KIAA1328: variants seen among roughly 807,000 people sequenced by gnomAD.
KIAA1328 encodes KIAA1328.
In KIAA1328, 52 loss-of-function variants were observed where a neutral mutation model predicts 68.1. The observed-to-expected ratio is 0.76, with a 90% CI of 0.61 to 0.96. The LOEUF (loss-of-function observed/expected upper bound fraction) is 0.96. Ranked by LOEUF, KIAA1328 falls within the 40% of genes least tolerant of loss-of-function variation. The pLI, the probability that KIAA1328 is intolerant of heterozygous loss-of-function variation, is 0.00. For synonymous variants in KIAA1328, 232 were observed against 239.4 expected (o/e 0.97, Z 0.28); for missense variants, 641 against 677.6 (o/e 0.95, Z 0.60).
chr18:36,976,491 G>A (rs1207601278), intron 6 of KIAA1328, among the ~76,000 whole-genome samples: 2 of 152,028 alleles, frequency 1.3e-5, no homozygotes, highest in African/African-American at 2.4e-5. Flanking sequence ...AGTAGCCACC[G>A]AAATCTCAAA....
intron 5 of KIAA1328, among the ~76,000 whole-genome samples, chr18:36,904,824 T>C (rs1187384565): frequency 6.6e-6 from 1 of 152,030 alleles, no homozygotes; most frequent in Non-Finnish European, 1.5e-5. Context: ...ATTGAATATT[T>C]AAAATTTTCT....
At chr18:36,985,589 T>C (rs1019139505) in intron 6 of KIAA1328, among the ~76,000 whole-genome samples, 1 of 152,142 alleles carries the variant, frequency 6.6e-6, no homozygotes, top group African/African-American at 2.4e-5. Context: ...GCAAATGACA[T>C]TCAACGGAGG....
chr18:37,193,891 G>A (rs2059954117), intron 9 of KIAA1328, among the ~76,000 whole-genome samples: 1 of 152,164 alleles, frequency 6.6e-6, no homozygotes. Flanking sequence ...TTTCCCGCAT[G>A]TCCTTTCAGG....
chr18:37,024,212 C>A (rs1340366503), intron 6 of KIAA1328, among the ~76,000 whole-genome samples: 1 of 151,814 alleles, frequency 6.6e-6, no homozygotes, highest in Non-Finnish European at 1.5e-5. Flanking sequence ...CGGGCTGGTC[C>A]TGAACGAATG....
intron 6 of KIAA1328, among the ~76,000 whole-genome samples, chr18:36,963,017 C>G (rs1181292797): frequency 2.6e-5 from 4 of 152,154 alleles, no homozygotes; most frequent in East Asian, 1.9e-4. Context: ...TTCAAAAAAT[C>G]AATGAATCCA....
intron 3 of KIAA1328, among the ~76,000 whole-genome samples, chr18:36,841,750 C>T (rs2046866517): frequency 6.6e-6 from 1 of 152,182 alleles, no homozygotes; most frequent in Non-Finnish European, 1.5e-5. Context: ...ACAAAAACAG[C>T]CAGTGGGCCA....
At chr18:37,216,105 A>G (rs574274565) in intron 9 of KIAA1328, among the ~76,000 whole-genome samples, 1 of 152,098 alleles carries the variant, frequency 6.6e-6, no homozygotes, top group South Asian at 2.1e-4. Flanking sequence ...CAGCTCCTGG[A>G]TTCATTGATT....
At chr18:37,126,703 A>G (rs935764634) in intron 7 of KIAA1328, among the ~76,000 whole-genome samples, 5 of 152,146 alleles carry the variant, frequency 3.3e-5, no homozygotes, top group African/African-American at 1.2e-4. Flanking sequence ...AAAATCCTCA[A>G]CTAAATATTA....
At position 36,834,547 on chromosome 18, in the gene KIAA1328, A is replaced by T. The variant is rs531292950; in HGVS notation, c.94+192A>T. 2.0e-4 allele frequency among the ~76,000 whole-genome samples: 30 copies of T among 152,290 alleles called. No homozygotes were observed. The South Asian group carries it at 6.2e-3, about 32-fold the overall frequency. On this transcript the variant is annotated intron_variant, in intron 2 of 9. Transcript: ENST00000280020. ...TTTGAAATACTGGCTTATCTTTGGG[A>T]TTGGCTGGCCCAATCAGCTTTTAAT...
At chr18:37,050,236 A>T (rs2055636964) in intron 6 of KIAA1328, among the ~76,000 whole-genome samples, 1 of 150,844 alleles carries the variant, frequency 6.6e-6, no homozygotes, top group African/African-American at 2.5e-5. Flanking sequence ...AAAAAGAAAA[A>T]AAAGGAAAAA....
intron 5 of KIAA1328, among the ~76,000 whole-genome samples, chr18:36,948,723 A>T (rs566597862): frequency 6.6e-6 from 1 of 151,804 alleles, no homozygotes; most frequent in Non-Finnish European, 1.5e-5. Context: ...CTAATTTTGT[A>T]TTTTTAGTAG....
intron 5 of KIAA1328, among the ~76,000 whole-genome samples, chr18:36,959,023 G>A (rs2051542872): frequency 6.6e-6 from 1 of 151,790 alleles, no homozygotes; most frequent in Non-Finnish European, 1.5e-5. Context: ...TGAGGTAGGG[G>A]TTCCTTTGCA....
At chr18:37,125,540 A>G (rs1231647107) in intron 7 of KIAA1328, among the ~76,000 whole-genome samples, 2 of 152,224 alleles carry the variant, frequency 1.3e-5, no homozygotes, top group Admixed American at 6.5e-5. Context: ...GAATAATAAT[A>G]GAGAAATCAA....
downstream of KIAA1328, among the ~76,000 whole-genome samples, chr18:37,228,652 C>G (rs2060651417): frequency 6.6e-6 from 1 of 152,076 alleles, no homozygotes; most frequent in Non-Finnish European, 1.5e-5. Context: ...AACCCCGTCT[C>G]TACTAAAAAA....
chr18:36,921,118 TCATA>T (rs1568166489), intron 5 of KIAA1328: 1 of 152,190 alleles, frequency 6.6e-6, no homozygotes, highest in African/African-American at 2.4e-5. Flanking sequence ...AACTGTTGTT[TCATA>T]CATTTTTTTT....
chr18:36,948,005 T>C (rs1410974995), intron 5 of KIAA1328, among the ~76,000 whole-genome samples: 1 of 152,018 alleles, frequency 6.6e-6, no homozygotes, highest in African/African-American at 2.4e-5. Context: ...TAATGAGGCG[T>C]GTTTGACCTC....
chr18:36,858,940 A>G (rs1254684238), intron 4 of KIAA1328, among the ~76,000 whole-genome samples: 1 of 152,190 alleles, frequency 6.6e-6, no homozygotes, highest in East Asian at 1.9e-4. Context: ...TAGTGAATAG[A>G]TTTAATTTTT....
At position 36,868,681 on chromosome 18, in the gene KIAA1328, G is replaced by A. The variant is rs2047837827; in HGVS notation, c.333-16876G>A. Among the ~76,000 whole-genome samples the A allele has an allele frequency of 3.3e-5, 5 of 152,016 alleles. No homozygotes were observed. The South Asian group carries it at 1.0e-3, about 31-fold the overall frequency. The stretch of plus-strand genomic sequence containing the variant: ...ATGTATATGAGCTATGTTCTAAGAA[G>A]CCTTAAAAAAACCATCCAGTATTTC... On this transcript the variant is annotated intron_variant, in intron 4 of 9. Coordinates refer to ENST00000280020, the MANE Select transcript of KIAA1328 (RefSeq NM_020776.3).
chr18:37,139,214 C>G (rs2058714522), intron 7 of KIAA1328, among the ~76,000 whole-genome samples: 1 of 152,048 alleles, frequency 6.6e-6, no homozygotes, highest in African/African-American at 2.4e-5. Context: ...CTGCCCGCCT[C>G]GGCCTCCCAA....
Sources: gnomAD v4.1 joint callset for allele counts (sites outside exome capture counted in the v4.1 genomes callset) on GRCh38, gnomAD v4.1.1 for gene constraint, MANE v1.5 for transcripts, NCBI Gene and HGNC (gene_info 2026-07-23, HGNC 2026-07-21) for gene names.